Variants in EPHA7 observed in about 807,000 individuals in gnomAD.
EPHA7 encodes ephrin type-A receptor 7.
In EPHA7, 25 loss-of-function variants were observed where a neutral mutation model predicts 112.6. The observed-to-expected ratio is 0.22, with a 90% CI of 0.16 to 0.31. The LOEUF (loss-of-function observed/expected upper bound fraction) is 0.31. EPHA7 is among the 10% of genes least tolerant of loss of function. The pLI is 1.00. For missense variants in EPHA7, 962 were observed against 1,212.6 expected, an observed-to-expected ratio of 0.79 and a Z score of 3.07; for synonymous variants, 437 against 406.5, an observed-to-expected ratio of 1.07 and a Z score of -0.90.
intron 12 of EPHA7, 105 bp from the exon 13 acceptor site, chr6:93,256,142 G>C (rs1263948712): frequency 2.1e-6 from 2 of 967,834 alleles, no homozygotes; most frequent in African/African-American, 3.3e-5. Flanking sequence ...TTGTATAATA[G>C]GAATTGTTAA....
chr6:93,331,638 A>G (rs184563015), intron 5 of EPHA7, among the ~76,000 whole-genome samples: 1 of 151,706 alleles, frequency 6.6e-6, no homozygotes, highest in African/African-American at 2.4e-5. Flanking sequence ...ATACCTAAGG[A>G]CAAATTATTA....
At chr6:93,250,602 T>C (rs1770163349) in intron 14 of EPHA7, among the ~76,000 whole-genome samples, 1 of 152,104 alleles carries the variant, frequency 6.6e-6, no homozygotes, top group African/African-American at 2.4e-5. Context: ...GCATTATTTT[T>C]CCAATGAAAA....
intron 3 of EPHA7, among the ~76,000 whole-genome samples, chr6:93,381,677 G>GA (rs1456369485): frequency 2.0e-5 from 3 of 151,196 alleles, no homozygotes; most frequent in Non-Finnish European, 4.4e-5. Flanking sequence ...CAAGTTAGGA[G>GA]AAAAAACAAT....
At chr6:93,278,569 C>A (rs1366610033) in intron 5 of EPHA7, among the ~76,000 whole-genome samples, 1 of 152,022 alleles carries the variant, frequency 6.6e-6, no homozygotes, top group Non-Finnish European at 1.5e-5. Context: ...TTCTATTCAA[C>A]AAGTATTTGT....
intron 2 of EPHA7, among the ~76,000 whole-genome samples, chr6:93,414,338 T>C (rs967279893): frequency 3.3e-4 from 50 of 151,970 alleles, no homozygotes; most frequent in African/African-American, 3.9e-4. Context: ...TAAAGAATTA[T>C]ATACCACTGA....
At chr6:93,255,292 G>A (rs1770389898) in intron 13 of EPHA7, among the ~76,000 whole-genome samples, 1 of 152,012 alleles carries the variant, frequency 6.6e-6, no homozygotes, top group Non-Finnish European at 1.5e-5. Flanking sequence ...AAGCTGCAGT[G>A]AGCCAAGATT....
intron 5 of EPHA7, among the ~76,000 whole-genome samples, chr6:93,321,344 T>C (rs1327937563): frequency 3.3e-5 from 5 of 151,900 alleles, no homozygotes; most frequent in Admixed American, 6.6e-5. Flanking sequence ...TTGTTGATTA[T>C]GTATATATCA....
chr6:93,336,652 T>C (rs538874457), intron 5 of EPHA7, among the ~76,000 whole-genome samples: 12 of 152,078 alleles, frequency 7.9e-5, no homozygotes, highest in Non-Finnish European at 1.3e-4. Flanking sequence ...CTGCCCGCCT[T>C]GGCCTCCCAA....
chr6:93,301,520 T>C (rs1045928769), intron 5 of EPHA7, among the ~76,000 whole-genome samples: 1 of 152,178 alleles, frequency 6.6e-6, no homozygotes, highest in African/African-American at 2.4e-5. Context: ...AAATACTTTA[T>C]AAATGTTTAT....
At position 93,264,502 on chromosome 6, in the gene EPHA7, T is replaced by C. The variant is rs114606380; in HGVS notation, c.1742+92A>G. ...TATCAAAGAATGTTTGCATTTACTA[T>C]TTAAAATTTTATTACACTAAGTAAT... On this transcript the variant is annotated intron_variant, in intron 8 of 16. Coordinates refer to ENST00000369303, the MANE Select transcript of EPHA7 (RefSeq NM_004440.4). The C allele has an allele frequency of 4.1e-3, 2,810 of 692,052 alleles. 64 individuals carry two copies. The African/African-American group carries it at 0.047, about 11-fold the overall frequency. 42.9% of individuals were successfully genotyped at this position (692,052 alleles called of 1,614,324 possible).
chr6:93,246,776 C>T lies in EPHA7; in HGVS notation c.2726+16G>A, dbSNP rs747950915. On this transcript the variant is annotated intron_variant, in intron 15 of 16. Coordinates refer to ENST00000369303, the MANE Select transcript of EPHA7 (RefSeq NM_004440.4). ...TGTAATTTCTCCCAGATTCCATTCC[C>T]TTAGGCATTTCTTACCTACTACAAG... 6.3e-7 allele frequency: 1 copy of T among 1,585,290 alleles called. No homozygotes were observed. The highest frequency in any genetic ancestry group is 8.6e-7 in the Non-Finnish European group (1 of 1,156,910).
intron 3 of EPHA7, among the ~76,000 whole-genome samples, chr6:93,378,964 T>A (rs1316947998): frequency 6.6e-6 from 1 of 152,156 alleles, no homozygotes; most frequent in African/African-American, 2.4e-5. Flanking sequence ...TTCATAAATG[T>A]ATACATTTTA....
intron 5 of EPHA7, among the ~76,000 whole-genome samples, chr6:93,317,758 A>G (rs1773881780): frequency 6.6e-6 from 1 of 152,104 alleles, no homozygotes; most frequent in Admixed American, 6.6e-5. Context: ...TAAAGGCAGA[A>G]ATCCTTGGTT....
At position 93,259,372 on chromosome 6, in the gene EPHA7, C is replaced by T. The variant is rs1188528023; in HGVS notation, c.1906G>A (p.Glu636Lys). The change falls in exon 10 of 17, where the codon GAG becomes AAG. Residue 636 changes from glutamate (E) to lysine (K), a missense_variant. Glu to Lys is a moderately conservative substitution (Grantham distance 56). Transcript: ENST00000369303. Reference protein sequence around the residue: ...KELDASCIKIERVIGAGEFGE... With the variant: ...KELDASCIKIKRVIGAGEFGE... ...GCCTTACCTGCACCAATCACACGCT[C>T]AATTTTAATACAGGAGGCATCTAGC... 3.1e-6 allele frequency: 5 copies of T among 1,611,820 alleles called. No homozygotes were observed. The highest frequency in any genetic ancestry group is 4.2e-6 in the Non-Finnish European group (5 of 1,178,370).
intron 5 of EPHA7, among the ~76,000 whole-genome samples, chr6:93,305,258 C>A (rs966444875): frequency 7.4e-5 from 11 of 147,974 alleles, no homozygotes; most frequent in Non-Finnish European, 1.6e-4. Flanking sequence ...GCAGGGTGAA[C>A]AGTAAAAGAC....
chr6:93,347,361 A>G (rs1047646858), intron 5 of EPHA7, among the ~76,000 whole-genome samples: 3 of 151,878 alleles, frequency 2.0e-5, no homozygotes. Context: ...TTGGACATTG[A>G]AAATAAAACA....
chr6:93,377,582 T>C lies in EPHA7; in HGVS notation c.833-19171A>G, dbSNP rs148358894. On this transcript the variant is annotated intron_variant, in intron 3 of 16. Coordinates refer to ENST00000369303, the MANE Select transcript of EPHA7 (RefSeq NM_004440.4). ...AAAAATGTGCTACATAGATTTAAGT[T>C]GACAGAACTATTGTTATTTCCACCA... Among the ~76,000 whole-genome samples, 865 of 152,066 alleles carry C rather than the reference T, an allele frequency of 5.7e-3. 12 individuals carry two copies. The highest frequency in any genetic ancestry group is 0.019 in the African/African-American group (806 of 41,492).
chr6:93,313,421 T>A (rs1036442444), intron 5 of EPHA7, among the ~76,000 whole-genome samples: 9 of 152,146 alleles, frequency 5.9e-5, no homozygotes, highest in Admixed American at 5.2e-4. Context: ...TTATTTTCTT[T>A]CTTGTCTTTC....
chr6:93,393,077 A>C (rs1235462769), intron 3 of EPHA7, among the ~76,000 whole-genome samples: 1 of 151,926 alleles, frequency 6.6e-6, no homozygotes, highest in Admixed American at 6.6e-5. Context: ...ATTGCAATCA[A>C]CTTTGAATAA....
Sources: gnomAD v4.1 joint callset for allele counts (sites outside exome capture counted in the v4.1 genomes callset) on GRCh38, gnomAD v4.1.1 for gene constraint, MANE v1.5 for transcripts, NCBI Gene and HGNC (gene_info 2026-07-23, HGNC 2026-07-21) for gene names.